STXBP5L: variants seen among roughly 807,000 people sequenced by gnomAD.
The protein encoded by STXBP5L is syntaxin-binding protein 5-like.
A neutral mutation model predicts 144.5 loss-of-function variants in STXBP5L; 65 were observed. The observed-to-expected ratio is 0.45, with a 90% confidence interval of 0.37 to 0.55. The LOEUF (loss-of-function observed/expected upper bound fraction) is 0.55. STXBP5L is among the 20% of genes least tolerant of loss of function. The probability of loss-of-function intolerance (pLI) is 0.00; values close to 1 mark genes in which losing one functional copy is unlikely to be tolerated. For synonymous variants in STXBP5L, 505 were observed against 469.6 expected (o/e 1.08, Z -0.97); for missense variants, 1,298 against 1,405.5 (o/e 0.92, Z 1.22).
intron 3 of STXBP5L, among the ~76,000 whole-genome samples, chr3:121,008,959 G>T (rs1402602395): frequency 2.0e-5 from 3 of 151,288 alleles, no homozygotes. Context: ...GTGGGTGGTT[G>T]ATCTTTTGAG....
intron 5 of STXBP5L, among the ~76,000 whole-genome samples, chr3:121,112,281 A>G (rs2044024059): frequency 6.6e-6 from 1 of 152,054 alleles, no homozygotes; most frequent in Non-Finnish European, 1.5e-5. Context: ...CTGGTCACAT[A>G]GGCTCACAAA....
chr3:121,333,855 C>T (rs138390116), intron 20 of STXBP5L, among the ~76,000 whole-genome samples: 1 of 152,250 alleles, frequency 6.6e-6, no homozygotes, highest in African/African-American at 2.4e-5. Flanking sequence ...AGACCAATAA[C>T]AAGCTCCAAA....
chr3:120,926,873 T>G (rs1709659668), intron 2 of STXBP5L, among the ~76,000 whole-genome samples: 1 of 152,086 alleles, frequency 6.6e-6, no homozygotes, highest in African/African-American at 2.4e-5. Flanking sequence ...CCAAAATTTC[T>G]GTTTGATTTT....
chr3:121,305,067 A>G (rs947257878), intron 19 of STXBP5L, among the ~76,000 whole-genome samples: 3 of 152,168 alleles, frequency 2.0e-5, no homozygotes, highest in African/African-American at 7.2e-5. Flanking sequence ...GACAATTTAG[A>G]TGAAATTAAG....
At chr3:121,382,706 A>G (rs917934268) in intron 22 of STXBP5L, among the ~76,000 whole-genome samples, 1 of 152,092 alleles carries the variant, frequency 6.6e-6, no homozygotes. Flanking sequence ...TATTCTAACA[A>G]TTGTGGTTTT....
intron 3 of STXBP5L, among the ~76,000 whole-genome samples, chr3:120,977,782 T>A (rs1401831097): frequency 2.0e-5 from 3 of 151,206 alleles, no homozygotes; most frequent in Admixed American, 6.6e-5. Flanking sequence ...TGTGAAGTAT[T>A]TTATTTCTCC....
chr3:121,226,399 G>A (rs2049125282), intron 11 of STXBP5L, among the ~76,000 whole-genome samples: 1 of 152,162 alleles, frequency 6.6e-6, no homozygotes, highest in Non-Finnish European at 1.5e-5. Flanking sequence ...CCATTAGAGT[G>A]TGGAATACAG....
chr3:121,009,286 A>G (rs1160519312), intron 3 of STXBP5L, among the ~76,000 whole-genome samples: 1 of 151,968 alleles, frequency 6.6e-6, no homozygotes, highest in Non-Finnish European at 1.5e-5. Context: ...GCACTCCCCT[A>G]GATTCATTCA....
At chr3:121,258,459 A>G (rs1383900923) in intron 17 of STXBP5L, among the ~76,000 whole-genome samples, 1 of 152,216 alleles carries the variant, frequency 6.6e-6, no homozygotes, top group Non-Finnish European at 1.5e-5. Flanking sequence ...TTTGATGTAC[A>G]TAAAAAGAAG....
chr3:121,288,963 C>T, intron 19 of STXBP5L, among the ~76,000 whole-genome samples: 1 of 152,078 alleles, frequency 6.6e-6, no homozygotes, highest in East Asian at 1.9e-4. Context: ...ACACTGGGGC[C>T]TACTTGAGGG....
At chr3:121,374,880 T>C (rs191297654) in intron 20 of STXBP5L, among the ~76,000 whole-genome samples, 93 of 152,194 alleles carry the variant, frequency 6.1e-4, no homozygotes, top group Admixed American at 1.2e-3. Context: ...AATCAAATTT[T>C]AGAAGTTGCA....
chr3:121,190,659 T>C (rs1171121256), intron 9 of STXBP5L, among the ~76,000 whole-genome samples: 3 of 34,756 alleles, frequency 8.6e-5, no homozygotes, highest in East Asian at 1.4e-3. Context: ...ACCTCCCAGA[T>C]GGGGTGGCTG....
chr3:121,318,284 C>T (rs28759116), intron 19 of STXBP5L, among the ~76,000 whole-genome samples, 191 bp from the exon 20 acceptor site: 15,049 of 151,198 alleles, frequency 0.1, 1,181 homozygotes, highest in Admixed American at 0.2. Context: ...ATAGTGAGAC[C>T]CTGTCTCTAT....
intron 9 of STXBP5L, among the ~76,000 whole-genome samples, chr3:121,187,322 G>T (rs1272156509): frequency 6.1e-5 from 9 of 147,772 alleles, no homozygotes; most frequent in Admixed American, 2.1e-4. Context: ...AACACTGCAT[G>T]TTCTCACTCT....
chr3:121,158,701 G>A (rs2046206618), intron 9 of STXBP5L: 1 of 152,070 alleles, frequency 6.6e-6, no homozygotes, highest in Non-Finnish European at 1.5e-5. Flanking sequence ...TTCTACGATA[G>A]GGGATAAGTT....
chr3:121,187,628 A>T (rs138502986), intron 9 of STXBP5L, among the ~76,000 whole-genome samples: 84 of 152,118 alleles, frequency 5.5e-4, no homozygotes, highest in East Asian at 5.2e-3. Context: ...AATAAACTGC[A>T]TCAACTAACA....
rs1204247183 is a variant in STXBP5L at position 121,421,621 on chromosome 3, A to G, written c.*2524A>G. The G allele has an allele frequency of 6.6e-6, 1 of 152,216 alleles. No individual in the cohort carries two copies. The highest frequency in any genetic ancestry group is 1.5e-5 in the Non-Finnish European group (1 of 68,024). The allele number at this position is 152,216 out of a possible 1,614,324, so 9.4% of individuals were successfully genotyped here. ...CAATGTCTTAGCAAGATAAATTATT[A>G]TACCCAAAATTACATGTGTGGTTCA... is the stretch of plus-strand genomic sequence containing the variant. On this transcript the variant is annotated 3_prime_UTR_variant, in exon 27 of 27. Coordinates refer to ENST00000471454, the MANE Select transcript of STXBP5L (RefSeq NM_001308330.2).
At chr3:121,228,156 C>T (rs969522372) in intron 11 of STXBP5L, among the ~76,000 whole-genome samples, 15 of 152,228 alleles carry the variant, frequency 9.9e-5, no homozygotes, top group African/African-American at 2.9e-4. Context: ...ATTTCAAAAG[C>T]AATACAGAAA....
chr3:120,957,463 T>C (rs1474597560), intron 3 of STXBP5L, among the ~76,000 whole-genome samples: 4 of 152,032 alleles, frequency 2.6e-5, no homozygotes, highest in Non-Finnish European at 5.9e-5. Flanking sequence ...TTGTTGAGGA[T>C]TTTTGCATCT....
Sources: gnomAD v4.1 joint callset for allele counts (sites outside exome capture counted in the v4.1 genomes callset) on GRCh38, gnomAD v4.1.1 for gene constraint, MANE v1.5 for transcripts, NCBI Gene and HGNC (gene_info 2026-07-23, HGNC 2026-07-21) for gene names.